Variants in DIP2B observed in about 807,000 individuals in gnomAD.
DIP2B encodes the protein DIP2 acetate--CoA ligase B (putative).
DIP2B carries 76 observed loss-of-function variants against 198.0 expected under a neutral mutation model. The observed-to-expected ratio is 0.38, with a 90% CI of 0.32 to 0.46. The LOEUF (loss-of-function observed/expected upper bound fraction) is 0.46. Ranked by LOEUF, DIP2B falls within the 20% of genes least tolerant of loss-of-function variation. DIP2B has a pLI of 0.99. For missense variants in DIP2B, 1,559 were observed against 1,978.4 expected (o/e 0.79, Z 4.02); for synonymous variants, 701 against 739.1 (o/e 0.95, Z 0.84).
At chr12:50,531,043 G>A (rs1443738929) in intron 1 of DIP2B, among the ~76,000 whole-genome samples, 9 of 152,120 alleles carry the variant, frequency 5.9e-5, no homozygotes, top group Non-Finnish European at 1.3e-4. Context: ...GATTGTCCAA[G>A]GAGAGCATAT....
In DIP2B at chr12:50,746,959, G is replaced by C. The variant is rs184789562; in HGVS notation, c.*2120G>C. On this transcript the variant is annotated 3_prime_UTR_variant, in exon 38 of 38. Coordinates refer to ENST00000301180, the MANE Select transcript of DIP2B (RefSeq NM_173602.3). Reference sequence around the variant, plus strand: ...CTGTCCACTGTAAATACTATAATGAGAGCCACATCTGTAATTTAAATGTTT... The same window carrying C: ...CTGTCCACTGTAAATACTATAATGACAGCCACATCTGTAATTTAAATGTTT... 1 of 152,072 alleles carries C rather than the reference G, an allele frequency of 6.6e-6. No individual in the cohort carries two copies. The highest frequency in any genetic ancestry group is 1.5e-5 in the Non-Finnish European group (1 of 68,032). The allele number at this position is 152,072 out of a possible 1,614,324, so 9.4% of individuals were successfully genotyped here. A position where few individuals can be genotyped will look rare whatever the true frequency, so the allele number is the denominator to read the frequency against.
At chr12:50,580,968 T>G (rs569444750) in intron 1 of DIP2B, among the ~76,000 whole-genome samples, 7 of 149,386 alleles carry the variant, frequency 4.7e-5, no homozygotes, top group South Asian at 2.2e-4. Context: ...TTGGTAGCTC[T>G]TTCTTAATGT....
chr12:50,663,199 G>A (rs1938683631), intron 4 of DIP2B, among the ~76,000 whole-genome samples: 2 of 152,206 alleles, frequency 1.3e-5, no homozygotes, highest in Admixed American at 1.3e-4. Context: ...GGCTGAGGCG[G>A]GTGGATCACA....
At chr12:50,524,020 A>G (rs1958142108) in intron 1 of DIP2B, among the ~76,000 whole-genome samples, 1 of 152,170 alleles carries the variant, frequency 6.6e-6, no homozygotes, top group African/African-American at 2.4e-5. Flanking sequence ...AAATATTTAA[A>G]GGGCCCATCT....
At chr12:50,578,107 G>C (rs1958679795) in intron 1 of DIP2B, among the ~76,000 whole-genome samples, 1 of 152,180 alleles carries the variant, frequency 6.6e-6, no homozygotes, top group South Asian at 2.1e-4. Flanking sequence ...CACCTCCCAG[G>C]TTCAAGTGAT....
chr12:50,545,156 G>A lies in DIP2B; in HGVS notation c.100+39916G>A, dbSNP rs186572734. ...GCCCATATTTTAGATAAAATTACTA[G>A]TAGTGGAATTGCTTGGTCTTAGGGT... On this transcript the variant is annotated intron_variant, in intron 1 of 37. Transcript: ENST00000301180. Among the ~76,000 whole-genome samples, 37 of 152,228 alleles carry A rather than the reference G, an allele frequency of 2.4e-4. 1 individual carries two copies. The highest frequency in any genetic ancestry group is 8.4e-4 in the African/African-American group (35 of 41,512).
At chr12:50,711,572 TG>T (rs1939616496) in intron 22 of DIP2B, among the ~76,000 whole-genome samples, 1 of 152,174 alleles carries the variant, frequency 6.6e-6, no homozygotes. Context: ...TTGTTTGTTT[TG>T]TTTTTGAGAT....
intron 28 of DIP2B, among the ~76,000 whole-genome samples, chr12:50,726,218 G>A (rs890182568): frequency 3.3e-5 from 5 of 152,178 alleles, no homozygotes; most frequent in Admixed American, 2.0e-4. Context: ...AAAGCCAAAG[G>A]AGCCATTGAA....
chr12:50,539,946 G>C (rs1958305073), intron 1 of DIP2B, among the ~76,000 whole-genome samples: 1 of 150,848 alleles, frequency 6.6e-6, no homozygotes, highest in Admixed American at 6.6e-5. Flanking sequence ...GCTGATGCAA[G>C]TTACTGTAGT....
intron 3 of DIP2B, among the ~76,000 whole-genome samples, chr12:50,642,487 T>C (rs1323854688): frequency 2.0e-5 from 3 of 152,112 alleles, no homozygotes; most frequent in African/African-American, 4.8e-5. Flanking sequence ...AAGAAGGGAA[T>C]AGAAGTATTT....
intron 1 of DIP2B, among the ~76,000 whole-genome samples, chr12:50,538,691 A>G (rs1420953278): frequency 2.0e-5 from 3 of 152,174 alleles, no homozygotes; most frequent in South Asian, 4.1e-4. Flanking sequence ...TCTCTTTTGT[A>G]TAACAAAAAT....
intron 25 of DIP2B, 83 bp from the exon 26 acceptor site, chr12:50,721,190 G>T: frequency 2.0e-6 from 3 of 1,531,452 alleles, no homozygotes; most frequent in Non-Finnish European, 2.6e-6. Flanking sequence ...AAGCCTTTCA[G>T]GTATGATGTT....
At position 50,728,475 on chromosome 12, in the gene DIP2B, A is replaced by G. The variant is rs1012417116; in HGVS notation, c.3511-73A>G. 1.0e-5 allele frequency: 16 copies of G among 1,531,184 alleles called. No homozygotes were observed. The Admixed American group carries it at 2.5e-4, about 23-fold the overall frequency. 94.8% of individuals were successfully genotyped at this position (1,531,184 alleles called of 1,614,324 possible). A position where few individuals can be genotyped will look rare whatever the true frequency, so the allele number is the denominator to read the frequency against. ...GAGTTTAGGGAATTGAAACTCCTCA[A>G]AGCTGTCGTCAGAGCTGTTACTCTG... is the stretch of plus-strand genomic sequence containing the variant. On this transcript the variant is annotated intron_variant, in intron 29 of 37. Transcript: ENST00000301180.
At chr12:50,597,685 C>G (rs1237880281) in intron 1 of DIP2B, among the ~76,000 whole-genome samples, 1 of 152,194 alleles carries the variant, frequency 6.6e-6, no homozygotes, top group Non-Finnish European at 1.5e-5. Flanking sequence ...CAGTCCTTGA[C>G]TGAGTCACAA....
chr12:50,696,799 G>T (rs1939320624), intron 16 of DIP2B, among the ~76,000 whole-genome samples: 1 of 152,158 alleles, frequency 6.6e-6, no homozygotes, highest in African/African-American at 2.4e-5. Context: ...ATACTGATTT[G>T]TCAGTTTAAT....
intron 1 of DIP2B, among the ~76,000 whole-genome samples, chr12:50,508,477 C>T (rs1304737838): frequency 6.6e-6 from 1 of 152,252 alleles, no homozygotes; most frequent in African/African-American, 2.4e-5. Context: ...GTCATTTGAG[C>T]TTTACTAAAC....
At position 50,744,896 on chromosome 12, in the gene DIP2B, T is replaced by C. The variant is rs192408178; in HGVS notation, c.*57T>C. On this transcript the variant is annotated 3_prime_UTR_variant, in exon 38 of 38. Coordinates refer to ENST00000301180, the MANE Select transcript of DIP2B (RefSeq NM_173602.3). ...TGAAGAATCACAAAGACAGAAGACC[T>C]CTGGCTAAGAGCAGGCTTCAAACGA... 7.7e-4 allele frequency: 1,218 copies of C among 1,590,892 alleles called. 1 individual carries two copies. Among genetic ancestry groups the C allele is most frequent in the Non-Finnish European group, 5.0e-4 (583 of 1,164,584 alleles).
At chr12:50,589,792 T>G (rs991183291) in intron 1 of DIP2B, among the ~76,000 whole-genome samples, 15 of 152,058 alleles carry the variant, frequency 9.9e-5, no homozygotes, top group Non-Finnish European at 1.6e-4. Context: ...TTTAAACAAC[T>G]GAGTAATTTA....
At position 50,507,759 on chromosome 12, in the gene DIP2B, C is replaced by G. The variant is rs988447095; in HGVS notation, c.100+2519C>G. Among the ~76,000 whole-genome samples the G allele has an allele frequency of 8.5e-5, 13 of 152,194 alleles. 1 individual carries two copies. The highest frequency in any genetic ancestry group is 3.1e-4 in the African/African-American group (13 of 41,442). ...CCGTGTTGGCCAGGCTGATCTTAAA[C>G]TCCTGACCTCAAATGATCCACCAAC... On this transcript the variant is annotated intron_variant, in intron 1 of 37. Transcript: ENST00000301180.
Sources: allele counts gnomAD v4.1 joint callset (sites outside exome capture counted in the v4.1 genomes callset), GRCh38; gene constraint gnomAD v4.1.1; transcripts MANE v1.5; gene names NCBI Gene and HGNC (gene_info 2026-07-23, HGNC 2026-07-21).